The following ZNF717 variants were observed in gnomAD, a reference collection of about 807,000 sequenced individuals.
The protein encoded by ZNF717 is zinc finger protein 717.
ZNF717 carries 9 observed loss-of-function variants against 13.8 expected under a neutral mutation model. That is an observed-to-expected ratio of 0.65 (90% confidence interval 0.39 to 1.14). The LOEUF is 1.14. Among genes scored for constraint, ZNF717 ranks in the 50% most tolerant of loss-of-function variants. ZNF717 has a pLI of 0.01. For synonymous variants in ZNF717, 327 were observed against 364.1 expected (o/e 0.90, Z 1.16); for missense variants, 1,040 against 1,080.7 (o/e 0.96, Z 0.53).
intron 4 of ZNF717, among the ~76,000 whole-genome samples, chr3:75,740,860 A>T (rs1370782169): frequency 6.7e-6 from 1 of 149,312 alleles, no homozygotes; most frequent in Non-Finnish European, 1.5e-5. Flanking sequence ...GAATAAAGCT[A>T]TAGCTTAAAA....
At chr3:75,704,194 T>G (rs1300012078) in intron 6 of ZNF717, among the ~76,000 whole-genome samples, 1 of 152,310 alleles carries the variant, frequency 6.6e-6, no homozygotes. Flanking sequence ...GCTCTTGTTT[T>G]CTGAGGATGT....
chr3:75,753,438 A>G (rs1575853051), intron 2 of ZNF717, among the ~76,000 whole-genome samples: 1 of 139,440 alleles, frequency 7.2e-6, no homozygotes, highest in African/African-American at 2.6e-5. Flanking sequence ...CACTGCTACG[A>G]GGGTCTGAAT....
At chr3:75,773,048 TC>T (rs1944023029) in intron 2 of ZNF717, among the ~76,000 whole-genome samples, 1 of 152,206 alleles carries the variant, frequency 6.6e-6, no homozygotes, top group African/African-American at 2.4e-5. Context: ...TGAATCCAGT[TC>T]CAGTTAGAGG....
rs753571758 is a variant in ZNF717 at position 75,737,984 on chromosome 3, T to C, written c.1639A>G (p.Lys547Glu). 1,036 of 1,345,734 alleles carry C rather than the reference T, an allele frequency of 7.7e-4. No individual in the cohort carries two copies. Among genetic ancestry groups the C allele is most frequent in the Non-Finnish European group, 8.4e-4 (849 of 1,008,768 alleles). 83.4% of individuals were successfully genotyped at this position (1,345,734 alleles called of 1,614,324 possible). ...CNECGKTYSHKSYLTVHHRTH... is the reference protein window; with the variant it reads ...CNECGKTYSHESYLTVHHRTH... ...CTGTGATGTACTGTAAGGTATGACTTGTGGCTATATGTTTTTCCACATTCG... is the reference window on the plus strand; with the variant it reads ...CTGTGATGTACTGTAAGGTATGACTCGTGGCTATATGTTTTTCCACATTCG... Residue 547 changes from lysine (K) to glutamate (E), a missense_variant, in exon 5 of 5, where the codon AAG becomes GAG. By Grantham distance (56) the Lys-to-Glu change is moderately conservative (BLOSUM62 1). Transcript: ENST00000652011.
downstream of ZNF717, chr3:75,732,180 A>C (rs1256468248): frequency 2.8e-6 from 2 of 702,294 alleles, no homozygotes; most frequent in Non-Finnish European, 2.6e-6. Flanking sequence ...TGTTCTTAAC[A>C]AGGCTTATCC....
chr3:75,733,869 G>GA (rs199927677), downstream of ZNF717, among the ~76,000 whole-genome samples: 329 of 118,196 alleles, frequency 2.8e-3, 1 homozygote, highest in African/African-American at 7.4e-3. Flanking sequence ...ATGCTGAGAG[G>GA]AAAAAAAAAA....
rs1211748641 is a variant in ZNF717 at position 75,741,699 on chromosome 3, G to A, written c.95C>T (p.Thr32Ile). The change falls in exon 3 of 5, where the codon ACC (threonine) becomes ATC (isoleucine). Residue 32 changes from threonine to isoleucine, a missense_variant. By Grantham distance (89) the Thr-to-Ile change is moderately conservative (BLOSUM62 -1). Transcript: ENST00000652011. ...ATCCAGGTCCTGCCACTCCTCCCAG[G>A]TGAAGTGCACAGCTACCTCCTCAAA... ...VSFEEVAVHF[T>I]WEEWQDLDDA... is the part of the protein sequence containing the mutation. The A allele has an allele frequency of 4.1e-5, 66 of 1,591,984 alleles. No individual in the cohort carries two copies. In the Middle Eastern group the frequency reaches 6.7e-4, roughly 16 times the overall value.
intron 6 of ZNF717, among the ~76,000 whole-genome samples, chr3:75,695,452 A>G (rs1343890258): frequency 1.3e-5 from 2 of 152,304 alleles, no homozygotes; most frequent in Non-Finnish European, 1.5e-5. Flanking sequence ...GAAACATCAG[A>G]CTTAATCTGC....
intron 2 of ZNF717, 186 bp from the exon 3 acceptor site, chr3:75,741,922 A>G: frequency 3.0e-6 from 2 of 664,432 alleles, no homozygotes; most frequent in Middle Eastern, 2.6e-4. Context: ...TCTTGTCAAA[A>G]GAACAAGAAT....
At chr3:75,753,846 T>C (rs796786708) in intron 2 of ZNF717, among the ~76,000 whole-genome samples, 5 of 151,048 alleles carry the variant, frequency 3.3e-5, no homozygotes, top group African/African-American at 7.3e-5. Flanking sequence ...GTCCCTCACA[T>C]AGGATTCCAG....
At chr3:75,745,153 G>GTTTTTTTTT (rs765947465) in intron 2 of ZNF717, among the ~76,000 whole-genome samples, 1 of 118,214 alleles carries the variant, frequency 8.5e-6, no homozygotes, top group Admixed American at 8.2e-5. Flanking sequence ...GCTGTGGTCT[G>GTTTTTTTTT]TTGTTTTTTT....
intron 2 of ZNF717, among the ~76,000 whole-genome samples, chr3:75,780,095 C>G (rs751968852): frequency 5.4e-5 from 8 of 146,858 alleles, no homozygotes; most frequent in Non-Finnish European, 1.2e-4. Context: ...ATGGGAGTGA[C>G]GTGCTAAGCC....
chr3:75,700,850 T>G (rs1937678706), intron 6 of ZNF717, among the ~76,000 whole-genome samples: 1 of 152,308 alleles, frequency 6.6e-6, no homozygotes, highest in Non-Finnish European at 1.5e-5. Flanking sequence ...AAGAAAACAT[T>G]GGAGAAACTC....
downstream of ZNF717, among the ~76,000 whole-genome samples, chr3:75,727,996 T>C (rs1351929127): frequency 1.3e-5 from 2 of 152,354 alleles, no homozygotes; most frequent in African/African-American, 2.4e-5. Context: ...CATTGAAATA[T>C]TGGGGGCTGG....
chr3:75,726,383 G>A (rs1470859469), downstream of ZNF717, among the ~76,000 whole-genome samples: 1 of 152,252 alleles, frequency 6.6e-6, no homozygotes, highest in African/African-American at 2.4e-5. Context: ...AGCACTTTGG[G>A]AGGTTGAGGC....
chr3:75,764,784 C>T lies in ZNF717; in HGVS notation c.57+18522G>A, dbSNP rs112481982. Among the ~76,000 whole-genome samples the T allele has an allele frequency of 8.1e-3, 1,233 of 151,980 alleles. 8 individuals carry two copies. The highest frequency in any genetic ancestry group is 0.027 in the African/African-American group (1,134 of 41,384). ...TGCAGGTGAAACTGAAACCCTTGTACACTGTTGGTGGAAATATGAACTGGC... is the reference window on the plus strand; with the variant it reads ...TGCAGGTGAAACTGAAACCCTTGTATACTGTTGGTGGAAATATGAACTGGC... On this transcript the variant is annotated intron_variant, in intron 2 of 4. Transcript: ENST00000652011.
At chr3:75,720,100 C>T (rs1421159344) in intron 4 of ZNF717, among the ~76,000 whole-genome samples, 1 of 151,930 alleles carries the variant, frequency 6.6e-6, no homozygotes, top group African/African-American at 2.4e-5. Context: ...TTGAAGATTT[C>T]TCAAAAAACA....
At chr3:75,778,869 T>C (rs555039486) in intron 2 of ZNF717, among the ~76,000 whole-genome samples, 1 of 147,990 alleles carries the variant, frequency 6.8e-6, no homozygotes, top group Admixed American at 6.7e-5. Context: ...ACAATGGGAG[T>C]GATGCGCAAA....
chr3:75,700,981 CAAT>C (rs1442871328), intron 6 of ZNF717, among the ~76,000 whole-genome samples: 5 of 152,214 alleles, frequency 3.3e-5, no homozygotes, highest in African/African-American at 1.2e-4. Flanking sequence ...GTGAAGGAAA[CAAT>C]AAACAAAGTG....
Sources: allele counts gnomAD v4.1 joint callset (sites outside exome capture counted in the v4.1 genomes callset), GRCh38; gene constraint gnomAD v4.1.1; transcripts MANE v1.5; gene names NCBI Gene and HGNC (gene_info 2026-07-23, HGNC 2026-07-21).